The following SLC26A8 variants were observed in gnomAD, a reference collection of about 807,000 sequenced individuals.
The protein encoded by SLC26A8 is solute carrier family 26 member 8, also known as testis anion transporter 1.
SLC26A8 carries 70 observed loss-of-function variants against 105.0 expected under a neutral mutation model. That is an observed-to-expected ratio of 0.67 (90% CI 0.55 to 0.81). The LOEUF is 0.81. Among genes scored for constraint, SLC26A8 ranks in the 40% least tolerant of loss-of-function variants. The pLI is 0.00. For missense variants in SLC26A8, 998 were observed against 1,181.8 expected (o/e 0.84, Z 2.28); for synonymous variants, 415 against 438.3 (o/e 0.95, Z 0.66).
chr6:35,974,643 G>A (rs1346188051), intron 10 of SLC26A8, among the ~76,000 whole-genome samples: 1 of 152,198 alleles, frequency 6.6e-6, no homozygotes, highest in Admixed American at 6.5e-5. Context: ...GGTGTGTAGA[G>A]TTGTATTATT....
At chr6:36,023,865 G>A (rs913522103) in intron 1 of SLC26A8, among the ~76,000 whole-genome samples, 1 of 152,148 alleles carries the variant, frequency 6.6e-6, no homozygotes, top group African/African-American at 2.4e-5. Flanking sequence ...TAGTCACTCT[G>A]GCTAGTGGCT....
intron 3 of SLC26A8, among the ~76,000 whole-genome samples, chr6:36,008,926 G>A: frequency 6.6e-6 from 1 of 152,144 alleles, no homozygotes; most frequent in Non-Finnish European, 1.5e-5. Flanking sequence ...CTAGTGGGAA[G>A]GTAATATGTT....
rs68186703 is a variant in SLC26A8, at chr6:36,023,162, T to TATCCATCCATCCATCCATCC, written c.-3+1322_-3+1341dup. ...GCTCTTTCACCCTCCATAGTACCCT[T>TATCCATCCATCCATCCATCC]ATCCATCCATCCATCCATCCATCCA... is the stretch of plus-strand genomic sequence containing the variant. On this transcript the variant is annotated intron_variant, in intron 1 of 19. Coordinates refer to ENST00000490799, the MANE Select transcript of SLC26A8 (RefSeq NM_052961.4). 4.6e-3 allele frequency among the ~76,000 whole-genome samples: 658 copies of TATCCATCCATCCATCCATCC among 143,088 alleles called. 6 individuals carry two copies. The highest frequency in any genetic ancestry group is 6.2e-3 in the African/African-American group (240 of 38,460). The allele number at this position is 143,088 out of a possible 152,430, so 93.9% of individuals were successfully genotyped here. A position where few individuals can be genotyped will look rare whatever the true frequency, so the allele number is the denominator to read the frequency against.
At position 36,024,548 on chromosome 6, in the gene SLC26A8, A is replaced by G; in HGVS notation, c.-47T>C. ...GGGAGTGCGGGCGCTGGGATCCCAC[A>G]CGGCTCTCGCCTGGCTGGCGGCGCT... On this transcript the variant is annotated 5_prime_UTR_variant, in exon 1 of 20. Transcript: ENST00000490799. 2 of 410,652 alleles carry G rather than the reference A, an allele frequency of 4.9e-6. No homozygotes were observed. The highest frequency in any genetic ancestry group is 3.5e-5 in the South Asian group (2 of 57,560). The allele number at this position is 410,652 out of a possible 1,614,324, so 25.4% of individuals were successfully genotyped here.
rs898798797 is a variant in SLC26A8 at position 35,981,840 on chromosome 6, G to A, written c.1025+281C>T. Among the ~76,000 whole-genome samples the A allele has an allele frequency of 1.3e-5, 2 of 152,024 alleles. No homozygotes were observed. Among genetic ancestry groups the A allele is most frequent in the African/African-American group, 2.4e-5 (1 of 41,384 alleles). On this transcript the variant is annotated intron_variant, in intron 8 of 19. Coordinates refer to ENST00000490799, the MANE Select transcript of SLC26A8 (RefSeq NM_052961.4). The surrounding 1 kb of genome is among the most constrained non-coding windows in gnomAD (Gnocchi z 4.0). ...TATAGTAGTTGAGAAGGCCTATCAT[G>A]TGCTATGAAAAAAAACATGAGATTC... is the stretch of plus-strand genomic sequence containing the variant.
intron 14 of SLC26A8, chr6:35,960,120 G>A (rs567732527): frequency 1.4e-3 from 307 of 213,400 alleles, no homozygotes; most frequent in African/African-American, 6.8e-3. Flanking sequence ...TGTTGGCCAC[G>A]CTGGTCTCAA....
intron 19 of SLC26A8, among the ~76,000 whole-genome samples, chr6:35,949,869 G>A (rs1771801205): frequency 4.6e-5 from 7 of 151,560 alleles, no homozygotes; most frequent in South Asian, 4.2e-4. Context: ...GCAGTGGCGC[G>A]ATCTCGGCTC....
chr6:35,982,466 C>T (rs893986304), intron 7 of SLC26A8, among the ~76,000 whole-genome samples: 6 of 152,152 alleles, frequency 3.9e-5, no homozygotes, highest in African/African-American at 1.4e-4. Context: ...CAAATGGACG[C>T]CATGAACTTC....
intron 3 of SLC26A8, among the ~76,000 whole-genome samples, chr6:36,001,736 C>T (rs1210281245): frequency 6.6e-6 from 1 of 152,108 alleles, no homozygotes; most frequent in East Asian, 1.9e-4. Flanking sequence ...GAACTAAGGG[C>T]CCTGTGTTTT....
At position 35,960,796 on chromosome 6, in the gene SLC26A8, C is replaced by G. The variant is rs779783686; in HGVS notation, c.1638+47G>C. 5 of 1,575,852 alleles carry G rather than the reference C, an allele frequency of 3.2e-6. No homozygotes were observed. The Middle Eastern group carries it at 5.0e-4, about 159-fold the overall frequency. ...AGAAAAACTAAGCATGAGGTGGGGC[C>G]CACTCTATCCCTTAGGCAGAGAAAT... is the stretch of plus-strand genomic sequence containing the variant. On this transcript the variant is annotated intron_variant, in intron 14 of 19. Transcript: ENST00000490799.
At chr6:35,946,351 C>G (rs1771656579) in intron 19 of SLC26A8, among the ~76,000 whole-genome samples, 1 of 152,200 alleles carries the variant, frequency 6.6e-6, no homozygotes, top group South Asian at 2.1e-4. Context: ...ATTCTCCTGC[C>G]TCAGGCTCCC....
At chr6:36,018,632 TA>T (rs1228783303) in intron 2 of SLC26A8, among the ~76,000 whole-genome samples, 39 of 152,362 alleles carry the variant, frequency 2.6e-4, no homozygotes, top group African/African-American at 9.1e-4. Context: ...ATTGTATATT[TA>T]AAAATGGTCA....
chr6:35,950,140 C>T (rs1771816829), intron 19 of SLC26A8, among the ~76,000 whole-genome samples: 1 of 151,950 alleles, frequency 6.6e-6, no homozygotes, highest in African/African-American at 2.4e-5. Context: ...CTCATTTCAT[C>T]AACTAGGCTT....
intron 17 of SLC26A8, among the ~76,000 whole-genome samples, chr6:35,951,735 G>A (rs1215925947): frequency 2.6e-5 from 4 of 151,982 alleles, no homozygotes; most frequent in Admixed American, 2.0e-4. Flanking sequence ...CATACCACAC[G>A]CCTGGCTAAT....
rs1362387905 is a variant in SLC26A8, at chr6:35,955,253, G to A, written c.2131C>T (p.Pro711Ser). The A allele has an allele frequency of 6.2e-7, 1 of 1,614,170 alleles. No individual in the cohort carries two copies. Among genetic ancestry groups the A allele is most frequent in the East Asian group, 2.2e-5 (1 of 44,884 alleles). The stretch of plus-strand genomic sequence containing the variant: ...GGCAGTAGAGACGCATCTGAGTAAG[G>A]GATGAGTGATCTCCTCCCCTGGCTT... ...AESQGRRSLI[P>S]YSDASLLPSV... Residue 711 changes from proline to serine, a missense_variant, in exon 17 of 20, where the codon CCT becomes TCT. By Grantham distance (74) the Pro-to-Ser change is moderately conservative (BLOSUM62 -1). Coordinates refer to ENST00000490799, the MANE Select transcript of SLC26A8 (RefSeq NM_052961.4).
intron 11 of SLC26A8, among the ~76,000 whole-genome samples, chr6:35,968,609 G>GAA (rs1562030743): frequency 0.038 from 2,257 of 60,056 alleles, 127 homozygotes; most frequent in Middle Eastern, 0.059. Flanking sequence ...GTGTGTGTGT[G>GAA]TATATATATA....
At chr6:35,968,372 T>C (rs1452774871) in intron 11 of SLC26A8, among the ~76,000 whole-genome samples, 1 of 151,534 alleles carries the variant, frequency 6.6e-6, no homozygotes, top group Non-Finnish European at 1.5e-5. Flanking sequence ...CTTGAACTCC[T>C]GACTTCAGGT....
intron 2 of SLC26A8, among the ~76,000 whole-genome samples, chr6:36,013,427 C>T (rs1461881943): frequency 1.3e-5 from 2 of 152,068 alleles, no homozygotes; most frequent in African/African-American, 2.4e-5. Flanking sequence ...GTGATCTGCT[C>T]GCCTCGGCCT....
intron 11 of SLC26A8, among the ~76,000 whole-genome samples, chr6:35,963,608 G>T (rs140836072): frequency 6.6e-6 from 1 of 152,228 alleles, no homozygotes; most frequent in East Asian, 1.9e-4. Flanking sequence ...CTGACATCTC[G>T]CCAGGCATAG....
Sources: gnomAD v4.1 joint callset for allele counts (sites outside exome capture counted in the v4.1 genomes callset) on GRCh38, gnomAD v4.1.1 for gene constraint, Gnocchi (gnomAD v3.1) non-coding constraint, MANE v1.5 for transcripts, NCBI Gene and HGNC (gene_info 2026-07-23, HGNC 2026-07-21) for gene names.